MED23: variants seen among roughly 807,000 people sequenced by gnomAD.
MED23 encodes mediator of RNA polymerase II transcription subunit 23.
In MED23, 105 loss-of-function variants were observed where a neutral mutation model predicts 163.9. The ratio of observed to expected loss-of-function variants is 0.64; its 90% CI spans 0.55 to 0.75. MED23 has a LOEUF of 0.75. MED23 is among the 30% of genes least tolerant of loss of function. The pLI, the probability that MED23 is intolerant of heterozygous loss-of-function variation, is 0.00. For synonymous variants in MED23, 561 were observed against 565.6 expected, an observed-to-expected ratio of 0.99 and a Z score of 0.12; for missense variants, 1,054 against 1,649.0, an observed-to-expected ratio of 0.64 and a Z score of 6.25.
chr6:131,615,832 C>T (rs1415606475), intron 10 of MED23, 75 bp downstream of exon 10: 2 of 1,075,798 alleles, frequency 1.9e-6, no homozygotes, highest in African/African-American at 3.1e-5. Context: ...GCTCAGTTAG[C>T]TATAGCAAAG....
chr6:131,582,652 C>T (rs1773987627), downstream of MED23: 1 of 1,613,748 alleles, frequency 6.2e-7, no homozygotes, highest in African/African-American at 1.3e-5. Context: ...TCCTGGGTGA[C>T]TCCCTGTATA....
Position 131,621,872 on chromosome 6 carries a change from C to G in MED23, c.495+9G>C. On this transcript the variant is annotated intron_variant, in intron 6 of 28. Transcript: ENST00000368068. Reference sequence around the variant, plus strand: ...TTATGATCACGAATTTCAGACATGTCTAAATTACCTCTCTTGCTGCCAGAA... The same window carrying G: ...TTATGATCACGAATTTCAGACATGTGTAAATTACCTCTCTTGCTGCCAGAA... The G allele has an allele frequency of 6.3e-7, 1 of 1,594,298 alleles. No homozygotes were observed. Among genetic ancestry groups the G allele is most frequent in the Non-Finnish European group, 8.6e-7 (1 of 1,167,310 alleles).
downstream of MED23, chr6:131,583,275 T>C (rs1342948829): frequency 3.1e-6 from 5 of 1,608,962 alleles, no homozygotes; most frequent in African/African-American, 2.7e-5. Context: ...CTACTTTTTA[T>C]AAAACAAGTT....
At chr6:131,577,079 C>A (rs1359920570) in intron 30 of MED23, among the ~76,000 whole-genome samples, 2 of 152,012 alleles carry the variant, frequency 1.3e-5, no homozygotes, top group Non-Finnish European at 2.9e-5. Context: ...AGCAAGAGGA[C>A]CCCTATTTGT....
Position 131,587,762 on chromosome 6 carries a change from C to A in MED23, c.4024G>T (p.Ala1342Ser), listed in dbSNP as rs201383367. ...CTGTTCATGGCTTGTGGAGGCACTG[C>A]AGCTGGCTCCATCTTGCTAATGTGT... Reference protein sequence around the residue: ...ITHISKMEPAAVPPQAMNSGS... With the variant: ...ITHISKMEPASVPPQAMNSGS... Residue 1342 changes from alanine to serine, a missense_variant, in exon 29 of 29, where the codon GCA (alanine) becomes TCA (serine). Coordinates refer to ENST00000368068, the MANE Select transcript of MED23 (RefSeq NM_004830.4). The A allele has an allele frequency of 3.1e-6, 5 of 1,613,998 alleles. No individual in the cohort carries two copies. The highest frequency in any genetic ancestry group is 4.5e-5 in the East Asian group (2 of 44,878).
chr6:131,606,603 T>TGA lies in MED23; in HGVS notation c.1242_1243insTC (p.Asn415SerfsTer12), dbSNP rs1585516775. On this transcript the variant is annotated frameshift_variant, in exon 13 of 29. Coordinates refer to ENST00000368068, the MANE Select transcript of MED23 (RefSeq NM_004830.4). LOFTEE classifies it high-confidence loss of function. ...AAGGCATGGGTTGACTGGGGTTTGT[T>TGA]AATATCAGGAACTGGGATATACTGA... is the stretch of plus-strand genomic sequence containing the variant. 6.2e-7 allele frequency: 1 copy of TGA among 1,611,998 alleles called. No individual in the cohort carries two copies. The highest frequency in any genetic ancestry group is 8.5e-7 in the Non-Finnish European group (1 of 1,178,288).
chr6:131,598,459 T>C lies in MED23; in HGVS notation c.2435A>G (p.Glu812Gly). ...HINQIGYRVL[E>G]RIGARALVAH... ...TACCAAGGCCCTGGCTCCAATTCTC[T>C]CTAATACTCTGGAAGGCAGAGAGTA... Residue 812 changes from glutamate to glycine, a missense_variant, in exon 20 of 29, where the codon GAG (glutamate) becomes GGG (glycine). By Grantham distance (98) the Glu-to-Gly change is moderately conservative (BLOSUM62 -2). Transcript: ENST00000368068. This position sits in a 1 kb window ranked among gnomAD's most constrained non-coding sequence, Gnocchi z 4.7. 2 of 1,614,152 alleles carry C rather than the reference T, an allele frequency of 1.2e-6. No individual in the cohort carries two copies. The highest frequency in any genetic ancestry group is 1.7e-6 in the Non-Finnish European group (2 of 1,180,008).
intron 17 of MED23, among the ~76,000 whole-genome samples, chr6:131,601,342 A>G (rs1226532991): frequency 6.6e-6 from 1 of 152,218 alleles, no homozygotes; most frequent in Non-Finnish European, 1.5e-5. Flanking sequence ...CAAAATGTCA[A>G]CGTTTGCTAG....
chr6:131,622,021 C>G (rs1441270327), intron 5 of MED23, 42 bp from the exon 6 acceptor site: 3 of 1,425,594 alleles, frequency 2.1e-6, no homozygotes, highest in Non-Finnish European at 3.0e-6. Context: ...TAAGTAGTGT[C>G]TACTGTGTTA....
downstream of MED23, among the ~76,000 whole-genome samples, chr6:131,584,561 T>C (rs1408009003): frequency 1.3e-5 from 2 of 152,176 alleles, no homozygotes; most frequent in Non-Finnish European, 1.5e-5. Context: ...AAATGGGTAA[T>C]AATAGGTTTG....
intron 1 of MED23, 43 bp from the exon 2 acceptor site, chr6:131,627,715 A>T (rs1333717774): frequency 6.4e-7 from 1 of 1,564,504 alleles, no homozygotes; most frequent in Non-Finnish European, 8.7e-7. Flanking sequence ...TGTTAATTTT[A>T]AAAAGGCGCC....
intron 4 of MED23, among the ~76,000 whole-genome samples, 154 bp from the exon 5 acceptor site, chr6:131,623,616 C>G (rs754701113): frequency 6.6e-6 from 1 of 152,158 alleles, no homozygotes; most frequent in Non-Finnish European, 1.5e-5. Context: ...CCATTTAAAT[C>G]ATGAGGGACA....
chr6:131,620,190 C>T (rs554484485), intron 7 of MED23, among the ~76,000 whole-genome samples: 1 of 152,168 alleles, frequency 6.6e-6, no homozygotes, highest in Admixed American at 6.5e-5. Flanking sequence ...GAAAGAAATA[C>T]ATCATGATTA....
Position 131,589,545 on chromosome 6 carries a change from G to A in MED23, c.3859C>T (p.His1287Tyr). ...CAGATGGGATCCATGTAATTTAAATGGGTGCTACACTGGTCAACATTCAGC... is the reference window on the plus strand; with the variant it reads ...CAGATGGGATCCATGTAATTTAAATAGGTGCTACACTGGTCAACATTCAGC... The part of the protein sequence containing the change: ...MLLNVDQCST[H>Y]LNYMDPICDF... Residue 1287 changes from histidine to tyrosine, a missense_variant, in exon 28 of 29, where the codon CAT (histidine) becomes TAT (tyrosine). Coordinates refer to ENST00000368068, the MANE Select transcript of MED23 (RefSeq NM_004830.4). 1 of 1,613,628 alleles carries A rather than the reference G, an allele frequency of 6.2e-7. No homozygotes were observed. Among genetic ancestry groups the A allele is most frequent in the Non-Finnish European group, 8.5e-7 (1 of 1,179,652 alleles).
rs1189378306 is a variant in MED23 at position 131,586,861 on chromosome 6, T to C, written c.*818A>G. 1 of 1,470,466 alleles carries C rather than the reference T, an allele frequency of 6.8e-7. No individual in the cohort carries two copies. Among genetic ancestry groups the C allele is most frequent in the Admixed American group, 2.1e-5 (1 of 48,388 alleles). The allele number at this position is 1,470,466 out of a possible 1,614,324, so 91.1% of individuals were successfully genotyped here. A position where few individuals can be genotyped will look rare whatever the true frequency, so the allele number is the denominator to read the frequency against. ...CCAAGAAATAAAATGTGTACTGTAT[T>C]TACAAATATAAAATTTAAAAATTTT... On this transcript the variant is annotated 3_prime_UTR_variant, in exon 29 of 29. Transcript: ENST00000368068.
chr6:131,583,459 G>A, downstream of MED23: 2 of 1,614,096 alleles, frequency 1.2e-6, no homozygotes, highest in Non-Finnish European at 1.7e-6. Context: ...TACAGAGAAG[G>A]TCTCTACATC....
downstream of MED23, chr6:131,583,864 G>C: frequency 6.2e-7 from 1 of 1,614,130 alleles, no homozygotes; most frequent in Non-Finnish European, 8.5e-7. Flanking sequence ...ACTTGCTCGG[G>C]AGGGTAATCA....
At chr6:131,618,329 A>C in intron 9 of MED23, 78 bp downstream of exon 9, 3 of 939,156 alleles carry the variant, frequency 3.2e-6, no homozygotes, top group Non-Finnish European at 5.2e-6. Flanking sequence ...TGAAGCAACA[A>C]TTTAGCATCA....
chr6:131,609,514 T>C (rs904306603), intron 11 of MED23, among the ~76,000 whole-genome samples: 7 of 140,378 alleles, frequency 5.0e-5, no homozygotes, highest in Non-Finnish European at 9.1e-5. Context: ...TCCTTTTTTT[T>C]TTTTTTTTTT....
Sources: gnomAD v4.1 joint callset for allele counts (sites outside exome capture counted in the v4.1 genomes callset) on GRCh38, gnomAD v4.1.1 for gene constraint, Gnocchi (gnomAD v3.1) non-coding constraint, MANE v1.5 for transcripts, NCBI Gene and HGNC (gene_info 2026-07-23, HGNC 2026-07-21) for gene names.